TBC1D22A: variants seen among roughly 807,000 people sequenced by gnomAD.
TBC1D22A encodes putative GTPase activator.
In TBC1D22A, 38 loss-of-function variants were observed where a neutral mutation model predicts 60.2. The ratio of observed to expected loss-of-function variants is 0.63; its 90% CI spans 0.49 to 0.83. TBC1D22A has a LOEUF of 0.83. Ranked by LOEUF, TBC1D22A falls within the 40% of genes least tolerant of loss-of-function variation. TBC1D22A has a pLI of 0.00. For missense variants in TBC1D22A, 628 were observed against 701.0 expected (o/e 0.90, Z 1.18); for synonymous variants, 302 against 281.7 (o/e 1.07, Z -0.72).
chr22:47,110,064 G>T (rs781580417), intron 11 of TBC1D22A, among the ~76,000 whole-genome samples: 21 of 152,130 alleles, frequency 1.4e-4, no homozygotes, highest in Non-Finnish European at 1.9e-4. Flanking sequence ...GCCTCTGCTC[G>T]CCTCGTTCTG....
intron 7 of TBC1D22A, among the ~76,000 whole-genome samples, chr22:46,908,107 C>T (rs2069623257): frequency 6.6e-6 from 1 of 152,204 alleles, no homozygotes; most frequent in Non-Finnish European, 1.5e-5. Context: ...ATGGTGTGAC[C>T]TGACATTTTT....
At chr22:46,792,041 G>A (rs1477093679) in intron 1 of TBC1D22A, among the ~76,000 whole-genome samples, 1 of 152,222 alleles carries the variant, frequency 6.6e-6, no homozygotes, top group East Asian at 1.9e-4. Context: ...GATTACAGGC[G>A]TGAGCTACCG....
chr22:47,080,528 A>AT (rs983111591), intron 11 of TBC1D22A, among the ~76,000 whole-genome samples: 31 of 151,740 alleles, frequency 2.0e-4, no homozygotes, highest in African/African-American at 3.1e-4. Context: ...GGGAAAAGAG[A>AT]TTTTTTTTTA....
At position 46,901,195 on chromosome 22, in the gene TBC1D22A, G is replaced by A. The variant is rs148091060; in HGVS notation, c.900+6349G>A. The stretch of plus-strand genomic sequence containing the variant: ...AAGTTTGTTGGCATCTAACGTGCCA[G>A]GCCACACTGCAGGATTAAGTTTGCT... On this transcript the variant is annotated intron_variant, in intron 7 of 12. Transcript: ENST00000337137. Among the ~76,000 whole-genome samples, 25 of 152,338 alleles carry A rather than the reference G, an allele frequency of 1.6e-4. No individual in the cohort carries two copies. The East Asian group carries it at 4.8e-3, about 29-fold the overall frequency.
chr22:46,928,070 C>T (rs2071149217), intron 8 of TBC1D22A, among the ~76,000 whole-genome samples: 1 of 151,390 alleles, frequency 6.6e-6, no homozygotes, highest in Non-Finnish European at 1.5e-5. Flanking sequence ...AATTGTCGAG[C>T]TTATCTTAAA....
At chr22:46,920,976 G>A (rs934140981) in intron 8 of TBC1D22A, among the ~76,000 whole-genome samples, 1 of 151,934 alleles carries the variant, frequency 6.6e-6, no homozygotes, top group Non-Finnish European at 1.5e-5. Context: ...TTACCATGTT[G>A]GCCAGGCTGG....
chr22:46,999,727 A>G (rs1302712171), intron 10 of TBC1D22A, among the ~76,000 whole-genome samples: 2 of 151,728 alleles, frequency 1.3e-5, no homozygotes, highest in South Asian at 2.1e-4. Flanking sequence ...TTGCTTAAAG[A>G]AAAAAAAAGC....
chr22:46,974,924 G>A (rs575543788), intron 9 of TBC1D22A, among the ~76,000 whole-genome samples: 6 of 152,218 alleles, frequency 3.9e-5, no homozygotes, highest in Admixed American at 6.5e-5. Flanking sequence ...GGGACCCTGC[G>A]GGTCTCTGCA....
intron 10 of TBC1D22A, among the ~76,000 whole-genome samples, chr22:47,022,488 G>T (rs1281633583): frequency 6.6e-6 from 1 of 151,938 alleles, no homozygotes; most frequent in Admixed American, 6.6e-5. Context: ...TCTTAGGGCT[G>T]AGGCTGGGAG....
chr22:46,907,964 G>A (rs1400956251), intron 7 of TBC1D22A, among the ~76,000 whole-genome samples: 1 of 152,232 alleles, frequency 6.6e-6, no homozygotes, highest in African/African-American at 2.4e-5. Context: ...CAGCCGCAGA[G>A]TGGCTGGGCC....
chr22:46,915,943 T>G (rs2070338467), intron 8 of TBC1D22A: 4 of 444,556 alleles, frequency 9.0e-6, no homozygotes, highest in South Asian at 6.5e-5. Context: ...CTCTCAGTGT[T>G]ACGTTCTTTG....
chr22:47,104,315 A>G (rs941633133), intron 11 of TBC1D22A, among the ~76,000 whole-genome samples: 1 of 152,030 alleles, frequency 6.6e-6, no homozygotes, highest in East Asian at 1.9e-4. Context: ...CTCAAAAACA[A>G]AAAAGAATCT....
At chr22:46,849,961 A>G (rs189396748) in intron 4 of TBC1D22A, among the ~76,000 whole-genome samples, 46 of 152,276 alleles carry the variant, frequency 3.0e-4, no homozygotes, top group Non-Finnish European at 4.9e-4. Flanking sequence ...TGGTGATGAT[A>G]TTTTAGTTTA....
At chr22:46,769,577 C>G (rs1395444783) in intron 1 of TBC1D22A, among the ~76,000 whole-genome samples, 5 of 152,100 alleles carry the variant, frequency 3.3e-5, no homozygotes, top group Non-Finnish European at 5.9e-5. Flanking sequence ...ACAGCAGGAA[C>G]CGATCTGGCT....
At chr22:47,034,472 G>GCGA (rs1328400558) in intron 10 of TBC1D22A, among the ~76,000 whole-genome samples, 6 of 19,716 alleles carry the variant, frequency 3.0e-4, no homozygotes, top group Non-Finnish European at 4.7e-4. Flanking sequence ...TGCTCCCGTG[G>GCGA]TGATGATGAA....
chr22:46,973,261 CT>C (rs11476511), intron 8 of TBC1D22A, among the ~76,000 whole-genome samples: 4,613 of 152,244 alleles, frequency 0.03, 225 homozygotes, highest in African/African-American at 0.11. Flanking sequence ...TGGCACCCCC[CT>C]CCCCATGTGT....
chr22:47,022,838 C>T (rs1051123335), intron 10 of TBC1D22A, among the ~76,000 whole-genome samples: 4 of 152,152 alleles, frequency 2.6e-5, no homozygotes, highest in East Asian at 3.9e-4. Flanking sequence ...CTACTCTGGC[C>T]CCAAAGCTTA....
At chr22:47,142,541 T>C (rs1216335224) in intron 12 of TBC1D22A, among the ~76,000 whole-genome samples, 65 of 109,566 alleles carry the variant, frequency 5.9e-4, no homozygotes, top group Non-Finnish European at 7.7e-4. Context: ...CACCTACCCA[T>C]CCATCCACCC....
intron 4 of TBC1D22A, among the ~76,000 whole-genome samples, chr22:46,811,434 C>T (rs1361174989): frequency 1.3e-5 from 2 of 152,132 alleles, no homozygotes; most frequent in Non-Finnish European, 2.9e-5. Flanking sequence ...GTGGGTGCAT[C>T]TTGTCTCATG....
Sources: allele counts gnomAD v4.1 joint callset (sites outside exome capture counted in the v4.1 genomes callset), GRCh38; gene constraint gnomAD v4.1.1; transcripts MANE v1.5; gene names NCBI Gene and HGNC (gene_info 2026-07-23, HGNC 2026-07-21).